BRAT1: variants seen among roughly 807,000 people sequenced by gnomAD.
BRAT1 encodes BRCA1 associated ATM activator 1.
BRAT1 carries 74 observed loss-of-function variants against 70.6 expected under a neutral mutation model. The observed-to-expected ratio is 1.05, with a 90% CI of 0.87 to 1.27. The LOEUF (loss-of-function observed/expected upper bound fraction) is 1.27. Among genes scored for constraint, BRAT1 ranks in the 50% most tolerant of loss-of-function variants. The pLI is 0.00. For missense variants in BRAT1, 1,203 were observed against 1,098.2 expected, an observed-to-expected ratio of 1.10 and a Z score of -1.35; for synonymous variants, 615 against 517.1, an observed-to-expected ratio of 1.19 and a Z score of -2.57.
Position 2,538,708 on chromosome 7 carries a change from C to T in BRAT1, c.1827G>A (p.Arg609=). 1.9e-6 allele frequency: 3 copies of T among 1,598,460 alleles called. No individual in the cohort carries two copies. Among genetic ancestry groups the T allele is most frequent in the Non-Finnish European group, 1.7e-6 (2 of 1,179,868 alleles). ...CAGTGAAGACTTGCATGACCGCCCG[C>T]CGTGGGAAGCCCTCCGAGTCTACGG... ...ILSVDSEGFP[R]RAVMQVFTEW... is the part of the protein sequence containing the mutation. Residue 609 remains arginine, a synonymous_variant, in exon 14 of 14, where the codon CGG becomes CGA. Transcript: ENST00000340611.
chr7:2,544,804 C>CT, intron 4 of BRAT1, 105 bp downstream of exon 4: 10 of 1,466,822 alleles, frequency 6.8e-6, no homozygotes, highest in Non-Finnish European at 9.1e-6. Flanking sequence ...TGCAACAACC[C>CT]TGAGACATCG....
intron 3 of BRAT1, among the ~76,000 whole-genome samples, chr7:2,545,580 C>T (rs1296331766): frequency 2.0e-5 from 3 of 150,950 alleles, no homozygotes; most frequent in Non-Finnish European, 4.4e-5. Flanking sequence ...ACCTCTGCCT[C>T]CTGGGCTCAA....
intron 2 of BRAT1, among the ~76,000 whole-genome samples, 188 bp downstream of exon 2, chr7:2,554,117 C>T (rs907859787): frequency 6.6e-6 from 1 of 152,204 alleles, no homozygotes; most frequent in African/African-American, 2.4e-5. Context: ...AGATCATTCT[C>T]TCGGGCTTCA....
chr7:2,553,128 G>A (rs1378713424), intron 2 of BRAT1, among the ~76,000 whole-genome samples: 1 of 152,004 alleles, frequency 6.6e-6, no homozygotes, highest in African/African-American at 2.4e-5. Flanking sequence ...CGCTTCCTGG[G>A]TTCAAGCGAT....
In BRAT1 at chr7:2,542,127, T is replaced by C; in HGVS notation, c.1008A>G (p.Gly336=). The change falls in exon 7 of 14, where the codon GGA becomes GGG. Residue 336 remains glycine, a synonymous_variant. Coordinates refer to ENST00000340611, the MANE Select transcript of BRAT1 (RefSeq NM_152743.4). ...CCTTTCTAAGCAGCACACCTGGGGG[T>C]CCGGGGGCCTGAACCGTGGCCTTCA... ...CVLKATVQAP[G]PPGLLDGTAD... is the part of the protein sequence containing the mutation. 2 of 1,548,294 alleles carry C rather than the reference T, an allele frequency of 1.3e-6. No individual in the cohort carries two copies. The highest frequency in any genetic ancestry group is 1.4e-5 in the African/African-American group (1 of 72,824).
At chr7:2,542,237 C>CAG (rs1779232904) in intron 6 of BRAT1, 26 bp from the exon 7 acceptor site, 5 of 1,534,540 alleles carry the variant, frequency 3.3e-6, no homozygotes, top group Non-Finnish European at 4.4e-6. Context: ...AGGTGAGTGC[C>CAG]GCGACCCTGG....
At chr7:2,545,135 G>A (rs1779506685) in intron 3 of BRAT1, 79 bp from the exon 4 acceptor site, 2 of 1,404,122 alleles carry the variant, frequency 1.4e-6, no homozygotes, top group Non-Finnish European at 1.9e-6. Context: ...GGAGGCCGAG[G>A]AGGGCAGATC....
rs752491146 is a variant in BRAT1 at position 2,539,779 on chromosome 7, G to A, written c.1498+7C>T. The A allele has an allele frequency of 2.5e-6, 4 of 1,608,696 alleles. No homozygotes were observed. The highest frequency in any genetic ancestry group is 3.4e-6 in the Non-Finnish European group (4 of 1,177,752). On this transcript the variant is annotated splice_region_variant and intron_variant, in intron 11 of 13. Transcript: ENST00000340611. ...GCTCCGTTCACCCCTGCAAGGGGCT[G>A]CGTTACCTCTGAGGAACTGCGGGAT...
chr7:2,539,145 G>A lies in BRAT1; in HGVS notation c.1770+34C>T, dbSNP rs376098769. 519 of 1,571,486 alleles carry A rather than the reference G, an allele frequency of 3.3e-4. 1 individual carries two copies. Among genetic ancestry groups the A allele is most frequent in the Middle Eastern group, 1.2e-3 (5 of 4,290 alleles). ...AACGAGCACACACGATGGCCAGGCG[G>A]GAGTTGCTGGCTGAGGAACCTGCCA... On this transcript the variant is annotated intron_variant, in intron 13 of 13. Coordinates refer to ENST00000340611, the MANE Select transcript of BRAT1 (RefSeq NM_152743.4).
chr7:2,542,271 C>G, intron 6 of BRAT1, 60 bp from the exon 7 acceptor site: 1 of 1,393,766 alleles, frequency 7.2e-7, no homozygotes, highest in Non-Finnish European at 1.0e-6. Context: ...TGGCTGTGCT[C>G]CTAATGTCCC....
intron 2 of BRAT1, among the ~76,000 whole-genome samples, chr7:2,550,964 G>A (rs949572163): frequency 1.3e-5 from 2 of 152,138 alleles, no homozygotes; most frequent in African/African-American, 2.4e-5. Flanking sequence ...CTTAGGTTGG[G>A]TGCAGTGGCT....
chr7:2,550,745 TGAACCCA>T (rs1779947465), intron 2 of BRAT1, among the ~76,000 whole-genome samples: 1 of 152,134 alleles, frequency 6.6e-6, no homozygotes, highest in African/African-American at 2.4e-5. Context: ...GGACTCACTG[TGAACCCA>T]GACTCGGTTT....
chr7:2,548,171 A>T (rs1161366860), intron 2 of BRAT1, among the ~76,000 whole-genome samples: 3 of 152,056 alleles, frequency 2.0e-5, no homozygotes, highest in South Asian at 2.1e-4. Context: ...TGCTCCATGC[A>T]AGCAGGTACA....
At chr7:2,552,895 G>A (rs957395562) in intron 2 of BRAT1, among the ~76,000 whole-genome samples, 2 of 140,962 alleles carry the variant, frequency 1.4e-5, no homozygotes, top group African/African-American at 2.9e-5. Flanking sequence ...CCACCACCAC[G>A]TCTGGCTATT....
At chr7:2,545,822 C>G (rs1020054253) in intron 3 of BRAT1, among the ~76,000 whole-genome samples, 1 of 152,172 alleles carries the variant, frequency 6.6e-6, no homozygotes, top group Admixed American at 6.5e-5. Context: ...TGCTGACAGA[C>G]AAGGGCCCCC....
At position 2,541,777 on chromosome 7, in the gene BRAT1, A is replaced by C. The variant is rs1240556376; in HGVS notation, c.1075T>G (p.Ser359Ala). 7 of 1,612,530 alleles carry C rather than the reference A, an allele frequency of 4.3e-6. No individual in the cohort carries two copies. The highest frequency in any genetic ancestry group is 5.1e-6 in the Non-Finnish European group (6 of 1,179,874). The change falls in exon 8 of 14, where the codon TCG (serine) becomes GCG (alanine). Residue 359 changes from serine to alanine, a missense_variant. By Grantham distance (99) the Ser-to-Ala change is moderately conservative. Coordinates refer to ENST00000340611, the MANE Select transcript of BRAT1 (RefSeq NM_152743.4). ...CGGCACAGGAGGCCGGCGCAGGACG[A>C]CTTGGAGGCCAGGAGTGTGTCCACC... is the stretch of plus-strand genomic sequence containing the variant. ...TTVDTLLASKSSCAGLLCRTL... is the reference protein window; with the variant it reads ...TTVDTLLASKASCAGLLCRTL...
rs1365443569 is a variant in BRAT1, at chr7:2,538,300, AG to A, written c.2234del (p.Thr745MetfsTer35). The A allele has an allele frequency of 6.2e-7, 1 of 1,612,636 alleles. No homozygotes were observed. The highest frequency in any genetic ancestry group is 8.5e-7 in the Non-Finnish European group (1 of 1,179,832). On this transcript the variant is annotated frameshift_variant, in exon 14 of 14. Coordinates refer to ENST00000340611, the MANE Select transcript of BRAT1 (RefSeq NM_152743.4). LOFTEE classifies it low-confidence loss of function (END_TRUNC). Reference protein sequence around the residue: ...SLREARGSPNTASAEATLPRW... With the variant: ...SLREARGSPNXASAEATLPRW... ...TCGGCAGGGTGGCCTCTGCGGAGGC[AG>A]TGTTGGGGCTGCCCCTGGCCTCCCG... is the stretch of plus-strand genomic sequence containing the variant.
At position 2,543,024 on chromosome 7, in the gene BRAT1, G is replaced by T; in HGVS notation, c.923+180C>A. The T allele has an allele frequency of 3.1e-6, 2 of 638,522 alleles. No individual in the cohort carries two copies. The highest frequency in any genetic ancestry group is 5.0e-6 in the Non-Finnish European group (2 of 398,196). 39.6% of individuals were successfully genotyped at this position (638,522 alleles called of 1,614,324 possible). On this transcript the variant is annotated intron_variant, in intron 6 of 13. Transcript: ENST00000340611. This position sits in a 1 kb window ranked among gnomAD's most constrained non-coding sequence, Gnocchi z 5.5. ...TTTGGTCTGAAACAATTATTCTGTTGCTAAAGAACCTTCAGAAGCTGCCGC... is the reference window on the plus strand; with the variant it reads ...TTTGGTCTGAAACAATTATTCTGTTTCTAAAGAACCTTCAGAAGCTGCCGC...
intron 2 of BRAT1, among the ~76,000 whole-genome samples, chr7:2,552,106 A>ATATATATATATATATATAT (rs1245262304): frequency 2.1e-4 from 3 of 14,220 alleles, no homozygotes; most frequent in Non-Finnish European, 4.1e-4. Flanking sequence ...ATATATATAT[A>ATATATATATATATATATAT]TTTTTTTTTT....
Sources: allele counts gnomAD v4.1 joint callset (sites outside exome capture counted in the v4.1 genomes callset), GRCh38; gene constraint gnomAD v4.1.1; non-coding constraint Gnocchi (gnomAD v3.1); transcripts MANE v1.5; gene names NCBI Gene and HGNC (gene_info 2026-07-23, HGNC 2026-07-21).